Variants in GPC6 observed in about 807,000 individuals in gnomAD.
GPC6 encodes the protein glypican 6.
GPC6 carries 14 observed loss-of-function variants against 55.2 expected under a neutral mutation model. The ratio of observed to expected loss-of-function variants is 0.25; its 90% CI spans 0.17 to 0.40. The LOEUF is 0.40. GPC6 is among the 10% of genes least tolerant of loss of function. The pLI is 1.00. For missense variants in GPC6, 641 were observed against 708.5 expected (o/e 0.90, Z 1.08); for synonymous variants, 278 against 259.6 (o/e 1.07, Z -0.68).
intron 4 of GPC6, among the ~76,000 whole-genome samples, chr13:94,240,549 G>A (rs1891026106): frequency 6.6e-6 from 1 of 151,984 alleles, no homozygotes; most frequent in South Asian, 2.1e-4. Context: ...TGTAGAAGTT[G>A]GAGAAACAAC....
At chr13:93,735,081 A>C (rs564529657) in intron 2 of GPC6, among the ~76,000 whole-genome samples, 2 of 152,254 alleles carry the variant, frequency 1.3e-5, no homozygotes, top group Admixed American at 1.3e-4. Context: ...ATACATCTCA[A>C]TTGGTGATAA....
At chr13:93,322,953 C>T (rs1482645876) in intron 1 of GPC6, among the ~76,000 whole-genome samples, 2 of 152,002 alleles carry the variant, frequency 1.3e-5, no homozygotes, top group African/African-American at 2.4e-5. Context: ...CCCCACACCC[C>T]CTTAGTCTTA....
chr13:93,311,253 T>C (rs1278592148), intron 1 of GPC6, among the ~76,000 whole-genome samples: 1 of 152,198 alleles, frequency 6.6e-6, no homozygotes, highest in Non-Finnish European at 1.5e-5. Flanking sequence ...TGAGATATGT[T>C]TACCTGTGTC....
intron 1 of GPC6, among the ~76,000 whole-genome samples, chr13:93,367,846 A>G (rs1268654363): frequency 6.6e-6 from 1 of 152,034 alleles, no homozygotes; most frequent in African/African-American, 2.4e-5. Flanking sequence ...TTGTTTTATG[A>G]CCCATAATAT....
intron 2 of GPC6, among the ~76,000 whole-genome samples, chr13:93,555,458 A>T (rs1395010936): frequency 6.6e-6 from 1 of 152,190 alleles, no homozygotes; most frequent in Non-Finnish European, 1.5e-5. Context: ...CAGTTAAATG[A>T]ATTACTTATA....
intron 1 of GPC6, among the ~76,000 whole-genome samples, chr13:93,396,141 A>G (rs1024642086): frequency 6.6e-6 from 1 of 152,196 alleles, no homozygotes; most frequent in African/African-American, 2.4e-5. Context: ...GTCATCTGAA[A>G]TTGTTAGTTT....
chr13:94,359,186 C>CT (rs1203409934), intron 6 of GPC6, among the ~76,000 whole-genome samples: 1 of 152,052 alleles, frequency 6.6e-6, no homozygotes, highest in Non-Finnish European at 1.5e-5. Context: ...TGCACTAGGC[C>CT]TTTTTTAAAT....
intron 3 of GPC6, among the ~76,000 whole-genome samples, chr13:93,874,139 A>G (rs1466876085): frequency 6.6e-6 from 1 of 151,806 alleles, no homozygotes; most frequent in African/African-American, 2.4e-5. Flanking sequence ...TGTTATACAG[A>G]TTATTTTATC....
chr13:93,979,485 T>C (rs576575394), intron 3 of GPC6, among the ~76,000 whole-genome samples: 44 of 152,092 alleles, frequency 2.9e-4, no homozygotes, highest in African/African-American at 1.0e-3. Flanking sequence ...GTATTAATAA[T>C]GGTAGAGCAA....
chr13:93,824,516 G>A (rs886786984), intron 2 of GPC6, among the ~76,000 whole-genome samples: 11 of 152,106 alleles, frequency 7.2e-5, no homozygotes, highest in African/African-American at 1.9e-4. Flanking sequence ...ATTAAGCCAC[G>A]CAAAGAATGG....
At chr13:93,740,071 C>A (rs1044390818) in intron 2 of GPC6, among the ~76,000 whole-genome samples, 1 of 152,054 alleles carries the variant, frequency 6.6e-6, no homozygotes, top group Non-Finnish European at 1.5e-5. Context: ...TTCACCATCC[C>A]CTTTCAATTA....
intron 1 of GPC6, among the ~76,000 whole-genome samples, chr13:93,462,434 A>C (rs888281344): frequency 1.3e-5 from 2 of 152,172 alleles, no homozygotes; most frequent in Non-Finnish European, 2.9e-5. Context: ...GGGTATAGAT[A>C]AGACTTGAAT....
intron 1 of GPC6, among the ~76,000 whole-genome samples, chr13:93,416,447 A>G (rs1018489710): frequency 6.6e-6 from 1 of 152,072 alleles, no homozygotes; most frequent in Non-Finnish European, 1.5e-5. Flanking sequence ...TTTATGGGGT[A>G]TATGAGATGT....
intron 1 of GPC6, among the ~76,000 whole-genome samples, chr13:93,469,547 G>T (rs1879035142): frequency 6.6e-6 from 1 of 152,114 alleles, no homozygotes; most frequent in African/African-American, 2.4e-5. Context: ...CCAGATTGGA[G>T]TGGCCATGAT....
chr13:94,256,612 T>A (rs1457584471), intron 4 of GPC6, among the ~76,000 whole-genome samples: 4 of 152,298 alleles, frequency 2.6e-5, no homozygotes, highest in Non-Finnish European at 4.4e-5. Flanking sequence ...CAGGACATCT[T>A]TCCTAGTGAC....
intron 3 of GPC6, among the ~76,000 whole-genome samples, chr13:93,852,596 T>C (rs2139014382): frequency 6.6e-6 from 1 of 151,816 alleles, no homozygotes; most frequent in Middle Eastern, 3.4e-3. Flanking sequence ...ACTTTCTGAT[T>C]AATGATTTCT....
At chr13:93,242,512 G>A (rs570620629) in intron 1 of GPC6, among the ~76,000 whole-genome samples, 2 of 152,286 alleles carry the variant, frequency 1.3e-5, no homozygotes, top group African/African-American at 4.8e-5. Context: ...ACCATCTACA[G>A]ATGCACCCAA....
At chr13:93,359,302 T>C (rs573068667) in intron 1 of GPC6, among the ~76,000 whole-genome samples, 1 of 152,090 alleles carries the variant, frequency 6.6e-6, no homozygotes, top group Non-Finnish European at 1.5e-5. Context: ...TAATAATAAC[T>C]AATTGATTTT....
intron 1 of GPC6, among the ~76,000 whole-genome samples, chr13:93,494,288 T>C (rs1880161029): frequency 1.4e-5 from 2 of 138,872 alleles, no homozygotes; most frequent in Admixed American, 7.4e-5. Flanking sequence ...TGGCCTTCTT[T>C]GTCTCTTTTG....
Sources: allele counts gnomAD v4.1 joint callset (sites outside exome capture counted in the v4.1 genomes callset), GRCh38; gene constraint gnomAD v4.1.1; transcripts MANE v1.5; gene names NCBI Gene and HGNC (gene_info 2026-07-23, HGNC 2026-07-21).